Variants in GPHN observed in about 807,000 individuals in gnomAD.
GPHN encodes the protein gephyrin.
A neutral mutation model predicts 95.5 loss-of-function variants in GPHN; 17 were observed. That is an observed-to-expected ratio of 0.18 (90% CI 0.12 to 0.27). The LOEUF is 0.27. Among genes scored for constraint, GPHN ranks in the 10% least tolerant of loss-of-function variants. The pLI is 1.00. For synonymous variants in GPHN, 320 were observed against 322.5 expected (o/e 0.99, Z 0.08); for missense variants, 660 against 978.1 (o/e 0.67, Z 4.34).
At chr14:67,050,011 T>C (rs1219083834) in intron 10 of GPHN, among the ~76,000 whole-genome samples, 1 of 152,216 alleles carries the variant, frequency 6.6e-6, no homozygotes, top group Admixed American at 6.5e-5. Context: ...ACATTGCTTT[T>C]AGTTAATTTG....
At chr14:66,793,712 A>G (rs1212382047) in intron 3 of GPHN, among the ~76,000 whole-genome samples, 1 of 152,176 alleles carries the variant, frequency 6.6e-6, no homozygotes, top group East Asian at 1.9e-4. Flanking sequence ...TAACATTTCT[A>G]TATTTCATGG....
At chr14:67,018,913 A>T (rs898659297) in intron 9 of GPHN, among the ~76,000 whole-genome samples, 2 of 152,236 alleles carry the variant, frequency 1.3e-5, no homozygotes, top group African/African-American at 4.8e-5. Flanking sequence ...AAGTCAAGAT[A>T]TTCTGGCCTG....
chr14:66,644,224 A>C (rs1282439940), intron 1 of GPHN, among the ~76,000 whole-genome samples: 2 of 152,112 alleles, frequency 1.3e-5, no homozygotes, highest in Non-Finnish European at 2.9e-5. Context: ...AGTAATTACA[A>C]GTTATATTAA....
At chr14:67,208,952 G>A in the GPHN span, among the ~76,000 whole-genome samples, 2 of 150,986 alleles carry the variant, frequency 1.3e-5, no homozygotes, top group African/African-American at 4.9e-5. Flanking sequence ...AAAATTCTAG[G>A]AAAATGTTGG....
chr14:67,350,353 A>C, the GPHN span, among the ~76,000 whole-genome samples: 1 of 152,232 alleles, frequency 6.6e-6, no homozygotes, highest in Admixed American at 6.5e-5. Context: ...GTTGAAAATA[A>C]GGAAAAATGT....
At chr14:67,444,470 T>G in the GPHN span, among the ~76,000 whole-genome samples, 1 of 152,268 alleles carries the variant, frequency 6.6e-6, no homozygotes, top group South Asian at 2.1e-4. Context: ...CCATATAGTA[T>G]GATAGAGGAA....
At chr14:66,910,125 A>AT (rs1211658064) in intron 5 of GPHN, among the ~76,000 whole-genome samples, 4 of 151,960 alleles carry the variant, frequency 2.6e-5, no homozygotes, top group Non-Finnish European at 5.9e-5. Context: ...GAAGTTTATA[A>AT]TTTTGGGGCA....
chr14:67,305,685 A>G, the GPHN span, among the ~76,000 whole-genome samples: 4 of 152,360 alleles, frequency 2.6e-5, no homozygotes, highest in South Asian at 8.3e-4. Context: ...GAAGTGTTAC[A>G]TTGAAACTTG....
chr14:67,672,122 C>A, the GPHN span, among the ~76,000 whole-genome samples: 1 of 130,798 alleles, frequency 7.6e-6, no homozygotes, highest in Non-Finnish European at 1.8e-5. Context: ...ATGCAGTCTA[C>A]ATTTTTTTTT....
chr14:67,059,218 T>C (rs2153649591), intron 11 of GPHN, among the ~76,000 whole-genome samples: 1 of 152,064 alleles, frequency 6.6e-6, no homozygotes, highest in East Asian at 1.9e-4. Flanking sequence ...TGTATTTAAA[T>C]GTAAAAATGT....
At chr14:66,536,172 G>GGA (rs2059134977) in intron 1 of GPHN, among the ~76,000 whole-genome samples, 1 of 152,110 alleles carries the variant, frequency 6.6e-6, no homozygotes, top group African/African-American at 2.4e-5. Context: ...GACTGGCCTT[G>GGA]AACTCCTGGC....
chr14:66,766,584 A>G (rs1280815359), intron 2 of GPHN, among the ~76,000 whole-genome samples: 2 of 152,146 alleles, frequency 1.3e-5, no homozygotes, highest in Admixed American at 1.3e-4. Flanking sequence ...TAAGATACGT[A>G]TGGCACATGG....
chr14:67,272,589 CTCTT>C, the GPHN span, among the ~76,000 whole-genome samples: 1 of 152,090 alleles, frequency 6.6e-6, no homozygotes, highest in African/African-American at 2.4e-5. Flanking sequence ...CCTCCTTTAC[CTCTT>C]TCTCTTATTC....
chr14:66,923,073 A>G (rs1596382256), intron 7 of GPHN, 135 bp downstream of exon 7: 3 of 745,214 alleles, frequency 4.0e-6, no homozygotes, highest in East Asian at 5.3e-5. Context: ...TGGGATGTCC[A>G]TGACACTCCA....
At chr14:66,814,893 T>C (rs2060903740) in intron 3 of GPHN, among the ~76,000 whole-genome samples, 1 of 151,994 alleles carries the variant, frequency 6.6e-6, no homozygotes, top group South Asian at 2.1e-4. Context: ...TGAAACTCAG[T>C]GCAAAGAAAG....
chr14:67,668,660 T>C, the GPHN span, among the ~76,000 whole-genome samples: 76 of 115,042 alleles, frequency 6.6e-4, no homozygotes, highest in Non-Finnish European at 1.1e-3. Context: ...GGAAACACAG[T>C]GAAAAAAAGA....
At chr14:66,890,556 GACA>G (rs1384647099) in intron 5 of GPHN, among the ~76,000 whole-genome samples, 1 of 151,632 alleles carries the variant, frequency 6.6e-6, no homozygotes, top group Admixed American at 6.6e-5. Context: ...TTGAAGAGAA[GACA>G]ACACTTCCTA....
intron 1 of GPHN, among the ~76,000 whole-genome samples, chr14:66,665,009 A>AG (rs2065868962): frequency 6.6e-6 from 1 of 150,930 alleles, no homozygotes; most frequent in African/African-American, 2.4e-5. Context: ...AAAAAAAAAA[A>AG]AAGCCCAGGA....
the GPHN span, among the ~76,000 whole-genome samples, chr14:67,720,572 C>T: frequency 6.6e-6 from 1 of 152,194 alleles, no homozygotes; most frequent in Non-Finnish European, 1.5e-5. Flanking sequence ...TTAATTAAAT[C>T]ATCTGTCCCT....
Sources: allele counts gnomAD v4.1 joint callset (sites outside exome capture counted in the v4.1 genomes callset), GRCh38; gene constraint gnomAD v4.1.1; transcripts MANE v1.5; gene names NCBI Gene and HGNC (gene_info 2026-07-23, HGNC 2026-07-21).